Variants in CLUH observed in about 807,000 individuals in gnomAD.
CLUH encodes clustered mitochondria protein homolog.
In CLUH, 77 loss-of-function variants were observed where a neutral mutation model predicts 139.3. The observed-to-expected ratio is 0.55, with a 90% CI of 0.46 to 0.67. The LOEUF (loss-of-function observed/expected upper bound fraction) is 0.67, where lower values mean the gene tolerates loss of function less well. CLUH is among the 30% of genes least tolerant of loss of function. The probability of loss-of-function intolerance (pLI) is 0.00; values close to 1 mark genes in which losing one functional copy is unlikely to be tolerated. For synonymous variants in CLUH, 999 were observed against 801.6 expected, an observed-to-expected ratio of 1.25 and a Z score of -4.16; for missense variants, 1,876 against 1,875.8, an observed-to-expected ratio of 1.00 and a Z score of 0.00.
At chr17:2,701,766 C>T (rs1192591739) in intron 4 of CLUH, 29 bp from the exon 5 acceptor site, 1 of 1,553,150 alleles carries the variant, frequency 6.4e-7, no homozygotes, top group Non-Finnish European at 8.7e-7. Flanking sequence ...GTGGTCAGCA[C>T]AGGGCCACCC....
chr17:2,696,601 C>A, intron 11 of CLUH, 63 bp from the exon 12 acceptor site: 1 of 1,530,628 alleles, frequency 6.5e-7, no homozygotes, highest in Non-Finnish European at 8.8e-7. Flanking sequence ...TGGGCTGCGC[C>A]AAGCCTCGCC....
intron 9 of CLUH, among the ~76,000 whole-genome samples, 167 bp from the exon 10 acceptor site, chr17:2,698,757 G>GT (rs1316671317): frequency 6.6e-6 from 1 of 152,100 alleles, no homozygotes; most frequent in Non-Finnish European, 1.5e-5. Flanking sequence ...AGAAAACCAT[G>GT]TTTTGGCCGG....
chr17:2,696,185 G>A lies in CLUH; in HGVS notation c.2365C>T (p.Leu789=). Reference sequence around the variant, plus strand: ...AAGCCAGGGATCTGGCAGGAGAGCAGGAAGGCAGCCGCGTCCTTCAGCAGC... The same window carrying A: ...AAGCCAGGGATCTGGCAGGAGAGCAAGAAGGCAGCCGCGTCCTTCAGCAGC... ...KQLLKDAAAF[L]LSCQIPGLVK... is the part of the protein sequence containing the mutation. The change falls in exon 13 of 26, where the codon CTG becomes TTG. Residue 789 remains leucine, a synonymous_variant. Coordinates refer to ENST00000651024, the MANE Select transcript of CLUH (RefSeq NM_001366661.1). 6.4e-7 allele frequency: 1 copy of A among 1,568,250 alleles called. No individual in the cohort carries two copies. Among genetic ancestry groups the A allele is most frequent in the African/African-American group, 1.4e-5 (1 of 73,992 alleles).
chr17:2,691,947 C>CACG, intron 23 of CLUH, 52 bp from the exon 24 acceptor site: 2 of 1,177,306 alleles, frequency 1.7e-6, no homozygotes, highest in South Asian at 1.7e-5. Context: ...GCGGCCCCGC[C>CACG]CCCGCCCCGC....
In CLUH at chr17:2,703,317, C is replaced by T; in HGVS notation, c.475+1G>A. On this transcript the variant is annotated splice_donor_variant, in intron 3 of 25. Transcript: ENST00000651024. LOFTEE classifies it high-confidence loss of function. The surrounding 1 kb of genome is among the most constrained non-coding windows in gnomAD (Gnocchi z 4.2). ...GCAGGCTGTCCAACTTCCAGACCAA[C>T]CTTCCACCACACGCAGCACAGAGCC... The T allele has an allele frequency of 6.2e-7, 1 of 1,608,526 alleles. No individual in the cohort carries two copies. Among genetic ancestry groups the T allele is most frequent in the Non-Finnish European group, 8.5e-7 (1 of 1,177,204 alleles).
chr17:2,691,671 G>A lies in CLUH; in HGVS notation c.3801C>T (p.Pro1267=), dbSNP rs1266091705. The change falls in exon 25 of 26, where the codon CCC becomes CCT. Residue 1267 remains proline, a synonymous_variant. Transcript: ENST00000651024. ...ANIPPLKFTA[P]SMASVLEQLN... is the part of the protein sequence containing the mutation. ...GCTGCTCCAAGACGCTGGCCATGCT[G>A]GGGGCCGTGAACTGCGGGGCGGGGA... The A allele has an allele frequency of 9.3e-6, 15 of 1,612,390 alleles. No individual in the cohort carries two copies. The East Asian group carries it at 2.2e-4, about 24-fold the overall frequency.
chr17:2,694,352 C>G, intron 17 of CLUH, 76 bp from the exon 18 acceptor site: 1 of 1,531,160 alleles, frequency 6.5e-7, no homozygotes, highest in Non-Finnish European at 8.8e-7. Context: ...CCCACCAACG[C>G]TTGCGCACAG....
chr17:2,698,125 C>T lies in CLUH; in HGVS notation c.1732G>A (p.Asp578Asn). Residue 578 changes from aspartate (D) to asparagine (N), a missense_variant, in exon 10 of 26, where the codon GAC becomes AAC. This residue lies in a region of CLUH where 1,454 missense variants were observed against 1,384.4 expected (regional missense o/e 1.05). Coordinates refer to ENST00000651024, the MANE Select transcript of CLUH (RefSeq NM_001366661.1). The stretch of plus-strand genomic sequence containing the variant: ...GAGGAGCAGAGCTCCACCTCCTCGT[C>T]ACGGTCGTTGAGCACCTGGTGCCGC... ...ILRHQVLNDRDEEVELCSSVE... is the reference protein window; with the variant it reads ...ILRHQVLNDRNEEVELCSSVE... 1.9e-6 allele frequency: 3 copies of T among 1,592,850 alleles called. No homozygotes were observed. Among genetic ancestry groups the T allele is most frequent in the Non-Finnish European group, 2.6e-6 (3 of 1,171,040 alleles).
Position 2,690,384 on chromosome 17 carries a change from C to T in CLUH, c.*210G>A. On this transcript the variant is annotated 3_prime_UTR_variant, in exon 26 of 26. Coordinates refer to ENST00000651024, the MANE Select transcript of CLUH (RefSeq NM_001366661.1). ...CGCCATTCACGTGTCTCCAATGGGGCCTCTGCATCATCTATTCATTGAACC... is the reference window on the plus strand; with the variant it reads ...CGCCATTCACGTGTCTCCAATGGGGTCTCTGCATCATCTATTCATTGAACC... The T allele has an allele frequency of 2.2e-6, 1 of 445,530 alleles. No homozygotes were observed. The allele number at this position is 445,530 out of a possible 1,614,324, so 27.6% of individuals were successfully genotyped here.
rs2070037466 is a variant in CLUH, at chr17:2,698,197, G to A, written c.1660C>T (p.Arg554Trp). 2.5e-6 allele frequency: 4 copies of A among 1,577,314 alleles called. No individual in the cohort carries two copies. Among genetic ancestry groups the A allele is most frequent in the African/African-American group, 1.4e-5 (1 of 74,012 alleles). Residue 554 changes from arginine (R) to tryptophan (W), a missense_variant, in exon 10 of 26, where the codon CGG (arginine) becomes TGG (tryptophan). By Grantham distance (101) the Arg-to-Trp change is moderately radical. Around this residue, in one of 3 missense-constraint regions of CLUH, gnomAD observed 1,454 missense variants for 1,384.4 expected, o/e 1.05. Coordinates refer to ENST00000651024, the MANE Select transcript of CLUH (RefSeq NM_001366661.1). ...DFGKTVVSHP[R>W]YLELLERTSR... is the part of the protein sequence containing the mutation. ...GTGCGCTCCAGCAGCTCCAGGTACCGCGGGTGTGACACCACGGTCTTGCCG... is the reference window on the plus strand; with the variant it reads ...GTGCGCTCCAGCAGCTCCAGGTACCACGGGTGTGACACCACGGTCTTGCCG...
At chr17:2,692,331 G>C (rs2069724992) in intron 22 of CLUH, 30 bp downstream of exon 22, 1 of 1,522,982 alleles carries the variant, frequency 6.6e-7, no homozygotes, top group African/African-American at 1.4e-5. Context: ...GCCTCCGCCG[G>C]CCTTGGCGTT....
In CLUH at chr17:2,696,222, C is replaced by T; in HGVS notation, c.2328G>A (p.Arg776=). The T allele has an allele frequency of 1.3e-6, 2 of 1,576,852 alleles. No individual in the cohort carries two copies. Among genetic ancestry groups the T allele is most frequent in the Non-Finnish European group, 1.7e-6 (2 of 1,161,928 alleles). ...RFPESCQDEV[R]DQKQLLKDAA... Reference sequence around the variant, plus strand: ...CGTCCTTCAGCAGCTGCTTCTGGTCCCGAACTTCATCCTGGCAGGACTCAG... The same window carrying T: ...CGTCCTTCAGCAGCTGCTTCTGGTCTCGAACTTCATCCTGGCAGGACTCAG... Residue 776 remains arginine, a synonymous_variant, in exon 13 of 26, where the codon CGG becomes CGA. Coordinates refer to ENST00000651024, the MANE Select transcript of CLUH (RefSeq NM_001366661.1).
Position 2,706,753 on chromosome 17 carries a change from C to CT in CLUH, c.101-2190dup, listed in dbSNP as rs150320297. ...GCCCCCACAGGGTCCCTGAGAAAGG[C>CT]TGTGCTGGCTGCCAAGCCCCTGGAA... On this transcript the variant is annotated intron_variant, in intron 1 of 25. Transcript: ENST00000651024. The surrounding 1 kb of genome is among the most constrained non-coding windows in gnomAD (Gnocchi z 4.6). Among the ~76,000 whole-genome samples the CT allele has an allele frequency of 9.8e-3, 1,494 of 152,250 alleles. 16 individuals are homozygous for CT. Among genetic ancestry groups the CT allele is most frequent in the African/African-American group, 0.034 (1,407 of 41,548 alleles).
rs771715913 is a variant in CLUH at position 2,690,707 on chromosome 17, T to C, written c.3934A>G (p.Arg1312Gly). 3 of 1,561,062 alleles carry C rather than the reference T, an allele frequency of 1.9e-6. No homozygotes were observed. Among genetic ancestry groups the C allele is most frequent in the South Asian group, 2.4e-5 (2 of 84,254 alleles). ...GCCATGGGCTCCTCGGCTCTATCCC[T>C]GTTTCTGCTGGCCTCCTGGAGCTGG... is the stretch of plus-strand genomic sequence containing the variant. ...RHQLQEASRN[R>G]DRAEEPMATE... Residue 1312 changes from arginine to glycine, a missense_variant, in exon 26 of 26, where the codon AGG (arginine) becomes GGG (glycine). This residue lies in a region of CLUH where 1,454 missense variants were observed against 1,384.4 expected (regional missense o/e 1.05). Transcript: ENST00000651024.
At chr17:2,694,761 C>T (rs1298927197) in intron 16 of CLUH, 96 bp downstream of exon 16, 8 of 1,431,460 alleles carry the variant, frequency 5.6e-6, no homozygotes, top group Non-Finnish European at 7.4e-6. Context: ...GACTCCCTGG[C>T]CTATGACCAC....
At position 2,707,962 on chromosome 17, in the gene CLUH, A is replaced by G; in HGVS notation, c.101-3398T>C. 1 of 985,398 alleles carries G rather than the reference A, an allele frequency of 1.0e-6. No individual in the cohort carries two copies. The highest frequency in any genetic ancestry group is 1.2e-6 in the Non-Finnish European group (1 of 829,884). The allele number at this position is 985,398 out of a possible 1,614,324, so 61.0% of individuals were successfully genotyped here. A position where few individuals can be genotyped will look rare whatever the true frequency, so the allele number is the denominator to read the frequency against. ...CCCTGGCCTCCAGGCTCCATCAAGA[A>G]GCTGGCAGGCTCCATCTTCCCTTCC... is the stretch of plus-strand genomic sequence containing the variant. On this transcript the variant is annotated intron_variant, in intron 1 of 25. Transcript: ENST00000651024. The surrounding 1 kb of genome is among the most constrained non-coding windows in gnomAD (Gnocchi z 7.4).
At position 2,695,358 on chromosome 17, in the gene CLUH, C is replaced by A. The variant is rs559989221; in HGVS notation, c.2544+16G>T. The A allele has an allele frequency of 1.2e-6, 2 of 1,612,978 alleles. No homozygotes were observed. The highest frequency in any genetic ancestry group is 2.7e-5 in the African/African-American group (2 of 74,948). On this transcript the variant is annotated intron_variant, in intron 14 of 25. Coordinates refer to ENST00000651024, the MANE Select transcript of CLUH (RefSeq NM_001366661.1). ...TCCCACAGCTCCCGTTCCGCCCCAC[C>A]CCGGGCAGCACTCACAAAGACGTGG...
chr17:2,698,213 G>T lies in CLUH; in HGVS notation c.1644C>A (p.Thr548=), dbSNP rs759921686. The change falls in exon 10 of 26, where the codon ACC becomes ACA. Residue 548 remains threonine (T), a synonymous_variant. Coordinates refer to ENST00000651024, the MANE Select transcript of CLUH (RefSeq NM_001366661.1). ...VIYGSIDFGK[T]VVSHPRYLEL... ...CCAGGTACCGCGGGTGTGACACCAC[G>T]GTCTTGCCGAAGTCGATGGAGCCGT... 1.9e-6 allele frequency: 3 copies of T among 1,582,966 alleles called. No individual in the cohort carries two copies. The highest frequency in any genetic ancestry group is 1.7e-6 in the Non-Finnish European group (2 of 1,165,542).
In CLUH at chr17:2,691,751, C is replaced by T. The variant is rs774784637; in HGVS notation, c.3789+10G>A. The T allele has an allele frequency of 1.3e-5, 21 of 1,596,742 alleles. No homozygotes were observed. The South Asian group carries it at 1.5e-4, about 11-fold the overall frequency. ...GCCGGGCCGGAGGGGCCGCTCCGCCCCGGACTCACCTTGAGGGGCGGGATG... is the reference window on the plus strand; with the variant it reads ...GCCGGGCCGGAGGGGCCGCTCCGCCTCGGACTCACCTTGAGGGGCGGGATG... On this transcript the variant is annotated intron_variant, in intron 24 of 25. Transcript: ENST00000651024.
Sources: gnomAD v4.1 joint callset for allele counts (sites outside exome capture counted in the v4.1 genomes callset) on GRCh38, gnomAD v4.1.1 for gene constraint, gnomAD v4.1.1 regional missense constraint, Gnocchi (gnomAD v3.1) non-coding constraint, MANE v1.5 for transcripts, NCBI Gene and HGNC (gene_info 2026-07-23, HGNC 2026-07-21) for gene names.